Variants in SLC36A1 observed in about 807,000 individuals in gnomAD.
SLC36A1 encodes the protein solute carrier family 36 member 1.
Under a neutral mutation model 47.5 loss-of-function variants are expected in SLC36A1, and 30 were observed. The observed-to-expected ratio is 0.63, with a 90% CI of 0.47 to 0.86. SLC36A1 has a LOEUF of 0.86. Ranked by LOEUF, SLC36A1 falls within the 40% of genes least tolerant of loss-of-function variation. The pLI, the probability that SLC36A1 is intolerant of heterozygous loss-of-function variation, is 0.00. For synonymous variants in SLC36A1, 255 were observed against 249.7 expected, an observed-to-expected ratio of 1.02 and a Z score of -0.20; for missense variants, 517 against 606.0, an observed-to-expected ratio of 0.85 and a Z score of 1.54.
At chr5:151,352,460 GC>G in the SLC36A1 span, among the ~76,000 whole-genome samples, 6 of 152,194 alleles carry the variant, frequency 3.9e-5, no homozygotes, top group African/African-American at 1.4e-4. Context: ...CCTTTCTTTT[GC>G]CTGTGTTGGT....
the SLC36A1 span, among the ~76,000 whole-genome samples, chr5:151,431,013 G>A: frequency 6.6e-6 from 1 of 152,196 alleles, no homozygotes; most frequent in African/African-American, 2.4e-5. Context: ...GGTATGTTGT[G>A]TTCATTGCTT....
chr5:151,454,417 C>T (rs1754162231), intron 1 of SLC36A1, among the ~76,000 whole-genome samples: 1 of 152,036 alleles, frequency 6.6e-6, no homozygotes, highest in African/African-American at 2.4e-5. Flanking sequence ...AGGAGGAGGC[C>T]TTGGTTTCCA....
At chr5:151,380,516 G>C in the SLC36A1 span, 1 of 504,360 alleles carries the variant, frequency 2.0e-6, no homozygotes, top group Non-Finnish European at 4.0e-6. Context: ...GCGGCAGTTC[G>C]TGTGTTGGAA....
At chr5:151,347,460 T>C in the SLC36A1 span, 44 of 1,613,744 alleles carry the variant, frequency 2.7e-5, no homozygotes, top group Non-Finnish European at 3.7e-5. Flanking sequence ...GTCACAGACA[T>C]GACTGCTTAA....
chr5:151,347,458 C>T, the SLC36A1 span: 3 of 1,613,892 alleles, frequency 1.9e-6, no homozygotes, highest in Non-Finnish European at 2.5e-6. Context: ...TTGTCACAGA[C>T]ATGACTGCTT....
At chr5:151,420,546 A>G in the SLC36A1 span, among the ~76,000 whole-genome samples, 1 of 152,206 alleles carries the variant, frequency 6.6e-6, no homozygotes, top group Non-Finnish European at 1.5e-5. Context: ...GATTTTTACC[A>G]GGAGCGCAGG....
intron 10 of SLC36A1, among the ~76,000 whole-genome samples, chr5:151,483,978 A>G (rs944331525): frequency 2.6e-5 from 4 of 152,198 alleles, no homozygotes; most frequent in African/African-American, 9.7e-5. Context: ...TTTATTAGGC[A>G]TGTTTATCTT....
the SLC36A1 span, among the ~76,000 whole-genome samples, chr5:151,363,514 G>T: frequency 6.6e-6 from 1 of 151,948 alleles, no homozygotes; most frequent in African/African-American, 2.4e-5. Context: ...TTTGTTTTTG[G>T]TTTTCTGTAG....
chr5:151,487,198 G>A (rs149162043), intron 10 of SLC36A1, among the ~76,000 whole-genome samples: 42 of 152,344 alleles, frequency 2.8e-4, no homozygotes, highest in African/African-American at 9.6e-4. Flanking sequence ...GAAGCGTGGG[G>A]TCAGTGGGCA....
the SLC36A1 span, chr5:151,545,953 G>GCC: frequency 6.2e-7 from 1 of 1,614,166 alleles, no homozygotes; most frequent in Non-Finnish European, 8.5e-7. Context: ...CAGCTGGTAA[G>GCC]ACGAGATTTT....
chr5:151,554,531 G>T, the SLC36A1 span: 1 of 1,614,206 alleles, frequency 6.2e-7, no homozygotes, highest in Admixed American at 1.7e-5. Context: ...AGGCCCAGGG[G>T]ACACAGGGCT....
At position 151,469,526 on chromosome 5, in the gene SLC36A1, T is replaced by C. The variant is rs80113873; in HGVS notation, c.723+1601T>C. Among the ~76,000 whole-genome samples the C allele has an allele frequency of 2.2e-3, 341 of 152,300 alleles. 12 individuals carry two copies. The East Asian group carries it at 0.052, about 23-fold the overall frequency. Reference sequence around the variant, plus strand: ...GGCCATGGATAATTTTTAGTATTATTTCAGTATTAAGACAGTGAGATGTTC... The same window carrying C: ...GGCCATGGATAATTTTTAGTATTATCTCAGTATTAAGACAGTGAGATGTTC... On this transcript the variant is annotated intron_variant, in intron 7 of 10. Transcript: ENST00000243389.
the SLC36A1 span, among the ~76,000 whole-genome samples, chr5:151,390,322 GT>G: frequency 2.0e-5 from 3 of 152,268 alleles, no homozygotes; most frequent in Admixed American, 6.5e-5. Context: ...TGTCAGATGA[GT>G]AGATTGCAAA....
At chr5:151,359,348 A>G in the SLC36A1 span, among the ~76,000 whole-genome samples, 4 of 152,218 alleles carry the variant, frequency 2.6e-5, no homozygotes. Flanking sequence ...CAAGAAAAAC[A>G]TAAGCTTATA....
the SLC36A1 span, among the ~76,000 whole-genome samples, chr5:151,358,891 G>A: frequency 0.2 from 29,650 of 149,702 alleles, 3,253 homozygotes; most frequent in East Asian, 0.41. Context: ...GGAGAATGGC[G>A]TGAACCCGGG....
intron 10 of SLC36A1, among the ~76,000 whole-genome samples, chr5:151,482,861 G>A (rs753659400): frequency 4.6e-5 from 7 of 151,938 alleles, no homozygotes; most frequent in South Asian, 2.1e-4. Flanking sequence ...GTGAAACCCC[G>A]TCTCTACTAA....
the SLC36A1 span, among the ~76,000 whole-genome samples, chr5:151,533,397 C>CACAA: frequency 9.0e-6 from 1 of 111,642 alleles, no homozygotes; most frequent in African/African-American, 4.9e-5. Flanking sequence ...ATCTCCAACA[C>CACAA]ACACACACAC....
chr5:151,535,715 G>A, the SLC36A1 span, among the ~76,000 whole-genome samples: 11 of 152,218 alleles, frequency 7.2e-5, no homozygotes, highest in African/African-American at 2.7e-4. Flanking sequence ...CTGGAGGCCT[G>A]GACTTGCAAC....
the SLC36A1 span, among the ~76,000 whole-genome samples, chr5:151,431,818 C>T: frequency 5.9e-5 from 9 of 152,140 alleles, no homozygotes; most frequent in Non-Finnish European, 1.2e-4. Flanking sequence ...TTATGAGCAG[C>T]GTGAAAATGA....
Sources: gnomAD v4.1 joint callset for allele counts (sites outside exome capture counted in the v4.1 genomes callset) on GRCh38, gnomAD v4.1.1 for gene constraint, MANE v1.5 for transcripts, NCBI Gene and HGNC (gene_info 2026-07-23, HGNC 2026-07-21) for gene names.